CTDSPL2: variants seen among roughly 807,000 people sequenced by gnomAD.
The protein encoded by CTDSPL2 is CTD small phosphatase-like protein 2.
A neutral mutation model predicts 60.0 loss-of-function variants in CTDSPL2; 5 were observed. The ratio of observed to expected loss-of-function variants is 0.08; its 90% confidence interval spans 0.04 to 0.18. The LOEUF is 0.18. Among genes scored for constraint, CTDSPL2 ranks in the 10% least tolerant of loss-of-function variants. The pLI is 1.00. For missense variants in CTDSPL2, 370 were observed against 548.8 expected, an observed-to-expected ratio of 0.67 and a Z score of 3.26; for synonymous variants, 186 against 189.3, an observed-to-expected ratio of 0.98 and a Z score of 0.14.
chr15:44,523,893 T>G (rs2081831173), intron 12 of CTDSPL2, among the ~76,000 whole-genome samples: 1 of 152,224 alleles, frequency 6.6e-6, no homozygotes, highest in African/African-American at 2.4e-5. Context: ...AGCAAGACTC[T>G]GTCTGAAAAA....
At chr15:44,449,049 G>T in intron 1 of CTDSPL2, 1 of 319,226 alleles carries the variant, frequency 3.1e-6, no homozygotes, top group Non-Finnish European at 6.1e-6. Context: ...ATCCTGATTT[G>T]CTACAAATAT....
chr15:44,524,017 G>C (rs1356651435), intron 12 of CTDSPL2, 92 bp from the exon 13 acceptor site: 3 of 918,624 alleles, frequency 3.3e-6, no homozygotes, highest in Non-Finnish European at 5.3e-6. Context: ...ATAAAAACTG[G>C]TATGTTTTCT....
At chr15:44,429,551 T>C (rs187996884) in intron 1 of CTDSPL2, among the ~76,000 whole-genome samples, 210 of 152,296 alleles carry the variant, frequency 1.4e-3, no homozygotes, top group African/African-American at 4.3e-3. Context: ...TGCACTCTTT[T>C]AATGCTTTCT....
chr15:44,509,843 T>C (rs1221911204), intron 8 of CTDSPL2, among the ~76,000 whole-genome samples: 1 of 151,742 alleles, frequency 6.6e-6, no homozygotes, highest in Non-Finnish European at 1.5e-5. Context: ...GGAGAATCGC[T>C]TAAACCTGGG....
At chr15:44,456,621 T>C (rs1595714913) in intron 1 of CTDSPL2, among the ~76,000 whole-genome samples, 1 of 152,300 alleles carries the variant, frequency 6.6e-6, no homozygotes, top group African/African-American at 2.4e-5. Context: ...TGCGTCTATT[T>C]GATTCTTCTC....
In CTDSPL2 at chr15:44,522,866, A is replaced by G. The variant is rs906073547; in HGVS notation, c.1336-1243A>G. Among the ~76,000 whole-genome samples, 8 of 152,236 alleles carry G rather than the reference A, an allele frequency of 5.3e-5. No individual in the cohort carries two copies. In the South Asian group the frequency reaches 1.0e-3, roughly 20 times the overall value. On this transcript the variant is annotated intron_variant, in intron 12 of 12. Transcript: ENST00000260327. ...TTTATTCTGGGAATTCTATTTCTAT[A>G]TCACATGGAACACTTAGCTTTAAAG... is the stretch of plus-strand genomic sequence containing the variant.
chr15:44,466,015 A>G (rs557719398), intron 2 of CTDSPL2, among the ~76,000 whole-genome samples: 2 of 151,150 alleles, frequency 1.3e-5, no homozygotes, highest in African/African-American at 4.9e-5. Context: ...GCTCACTGCA[A>G]CCTCCATCTC....
chr15:44,501,943 A>G (rs1424025508), intron 8 of CTDSPL2: 3 of 454,244 alleles, frequency 6.6e-6, no homozygotes, highest in Non-Finnish European at 1.3e-5. Context: ...ACAGGGAATG[A>G]TGTCTTTTAA....
intron 1 of CTDSPL2, among the ~76,000 whole-genome samples, chr15:44,431,441 G>T (rs571162353): frequency 6.6e-6 from 1 of 152,296 alleles, no homozygotes; most frequent in African/African-American, 2.4e-5. Flanking sequence ...AATTGGACGT[G>T]CATTACAAAT....
chr15:44,465,574 A>G (rs1024900143), intron 2 of CTDSPL2, among the ~76,000 whole-genome samples: 1 of 152,150 alleles, frequency 6.6e-6, no homozygotes, highest in African/African-American at 2.4e-5. Context: ...GATTGTATTA[A>G]TTTAAATTGA....
chr15:44,458,125 T>C (rs1353281603), intron 1 of CTDSPL2, among the ~76,000 whole-genome samples: 1 of 152,238 alleles, frequency 6.6e-6, no homozygotes, highest in Admixed American at 6.5e-5. Flanking sequence ...CTAGTCCTTT[T>C]TTCATTTTGA....
intron 1 of CTDSPL2, among the ~76,000 whole-genome samples, chr15:44,452,960 A>G (rs181240082): frequency 1.3e-5 from 2 of 152,276 alleles, no homozygotes; most frequent in East Asian, 1.9e-4. Context: ...ATATTCGACC[A>G]GTTTGCTCCT....
At chr15:44,505,679 A>G (rs2081448340) in intron 8 of CTDSPL2, among the ~76,000 whole-genome samples, 1 of 151,562 alleles carries the variant, frequency 6.6e-6, no homozygotes, top group African/African-American at 2.4e-5. Flanking sequence ...GGTTGCAGTG[A>G]GCCGAAATCG....
intron 8 of CTDSPL2, among the ~76,000 whole-genome samples, chr15:44,504,362 A>T (rs1363070705): frequency 6.6e-6 from 1 of 152,150 alleles, no homozygotes; most frequent in African/African-American, 2.4e-5. Flanking sequence ...AAAAGAAAAG[A>T]AAGAACAAGA....
intron 8 of CTDSPL2, among the ~76,000 whole-genome samples, chr15:44,504,349 C>CA (rs913728311): frequency 8.6e-5 from 13 of 151,978 alleles, no homozygotes; most frequent in African/African-American, 3.1e-4. Flanking sequence ...GTCTCCATCT[C>CA]AAAAAAGAAA....
intron 1 of CTDSPL2, among the ~76,000 whole-genome samples, chr15:44,434,465 T>C (rs1385630255): frequency 6.6e-6 from 1 of 152,186 alleles, no homozygotes; most frequent in Non-Finnish European, 1.5e-5. Context: ...ACAGTCACAG[T>C]TTACTGCAGC....
Position 44,526,227 on chromosome 15 carries a change from C to T in CTDSPL2, c.*2053C>T, listed in dbSNP as rs1040849000. The T allele has an allele frequency of 6.6e-6, 1 of 152,090 alleles. No individual in the cohort carries two copies. The highest frequency in any genetic ancestry group is 2.4e-5 in the African/African-American group (1 of 41,414). 9.4% of individuals were successfully genotyped at this position (152,090 alleles called of 1,614,324 possible). On this transcript the variant is annotated 3_prime_UTR_variant, in exon 13 of 13. Coordinates refer to ENST00000260327, the MANE Select transcript of CTDSPL2 (RefSeq NM_016396.3). The stretch of plus-strand genomic sequence containing the variant: ...GTGAACCTAGTTACATTTCTCCCTG[C>T]TCCCTTCCTTTTTATGCTCAAACAG...
At chr15:44,440,080 G>A (rs1412635595) in intron 1 of CTDSPL2, among the ~76,000 whole-genome samples, 1 of 152,110 alleles carries the variant, frequency 6.6e-6, no homozygotes, top group Non-Finnish European at 1.5e-5. Flanking sequence ...TGGATATGGG[G>A]CTAATTAGGT....
At chr15:44,508,566 G>A (rs1792167714) in intron 8 of CTDSPL2, among the ~76,000 whole-genome samples, 3 of 152,034 alleles carry the variant, frequency 2.0e-5, no homozygotes, top group African/African-American at 2.4e-5. Context: ...AAAACCTATT[G>A]CCACAATGTA....
Sources: gnomAD v4.1 joint callset for allele counts (sites outside exome capture counted in the v4.1 genomes callset) on GRCh38, gnomAD v4.1.1 for gene constraint, MANE v1.5 for transcripts, NCBI Gene and HGNC (gene_info 2026-07-23, HGNC 2026-07-21) for gene names.